MMP17: variants seen among roughly 807,000 people sequenced by gnomAD.
MMP17 encodes matrix metallopeptidase 17, also known as matrix metalloproteinase-17.
In MMP17, 54 loss-of-function variants were observed where a neutral mutation model predicts 49.1. The observed-to-expected ratio is 1.10, with a 90% CI of 0.88 to 1.38. MMP17 has a LOEUF of 1.38. MMP17 is among the 40% of genes most tolerant of loss of function. The probability of loss-of-function intolerance (pLI) is 0.00; values close to 1 mark genes in which losing one functional copy is unlikely to be tolerated. For missense variants in MMP17, 837 were observed against 853.7 expected (o/e 0.98, Z 0.24); for synonymous variants, 397 against 383.1 (o/e 1.04, Z -0.42).
At position 131,828,509 on chromosome 12, in the gene MMP17, A is replaced by G. The variant is rs1886622262; in HGVS notation, c.15A>G (p.Ala5=). 3.0e-6 allele frequency: 3 copies of G among 993,612 alleles called. No individual in the cohort carries two copies. The highest frequency in any genetic ancestry group is 9.0e-5 in the South Asian group (2 of 22,272). 61.5% of individuals were successfully genotyped at this position (993,612 alleles called of 1,614,324 possible). The change falls in exon 1 of 10, where the codon GCA becomes GCG. Residue 5 remains alanine (A), a synonymous_variant. Coordinates refer to ENST00000360564, the MANE Select transcript of MMP17 (RefSeq NM_016155.7). The part of the protein sequence containing the change: MRRR[A]ARGPGPPPPG... ...ATGTGAGCGCCATGCGGCGCCGCGCAGCCCGGGGACCCGGCCCGCCGCCCC... is the reference window on the plus strand; with the variant it reads ...ATGTGAGCGCCATGCGGCGCCGCGCGGCCCGGGGACCCGGCCCGCCGCCCC...
intron 9 of MMP17, among the ~76,000 whole-genome samples, chr12:131,850,352 G>A (rs1016352041): frequency 2.0e-5 from 3 of 152,138 alleles, no homozygotes; most frequent in African/African-American, 4.8e-5. Flanking sequence ...GCCATGCCTC[G>A]TCTGGGCACA....
At chr12:131,832,871 C>T (rs1593221767) in intron 1 of MMP17, among the ~76,000 whole-genome samples, 1 of 152,324 alleles carries the variant, frequency 6.6e-6, no homozygotes, top group South Asian at 2.1e-4. Flanking sequence ...TGCCAAAGGG[C>T]CTTTGCACTT....
chr12:131,850,933 T>C lies in MMP17; in HGVS notation c.1471T>C (p.Tyr491His). 1 of 1,481,858 alleles carries C rather than the reference T, an allele frequency of 6.7e-7. No individual in the cohort carries two copies. The highest frequency in any genetic ancestry group is 9.0e-7 in the Non-Finnish European group (1 of 1,114,516). The allele number at this position is 1,481,858 out of a possible 1,614,324, so 91.8% of individuals were successfully genotyped here. ...DAMRWSDGAS[Y>H]FFRGQEYWKV... is the part of the protein sequence containing the mutation. ...CTCCCTCCTCTTCTCAGGTGCCTCCTACTTCTTCCGTGGCCAGGAGTACTG... is the reference window on the plus strand; with the variant it reads ...CTCCCTCCTCTTCTCAGGTGCCTCCCACTTCTTCCGTGGCCAGGAGTACTG... The change falls in exon 10 of 10, where the codon TAC (tyrosine) becomes CAC (histidine). Residue 491 changes from tyrosine (Y) to histidine (H), a missense_variant. Physicochemically the swap from Tyr to His is moderately conservative, Grantham distance 83 (BLOSUM62 2). Transcript: ENST00000360564.
At position 131,846,757 on chromosome 12, in the gene MMP17, G is replaced by C. The variant is rs1171443166; in HGVS notation, c.1204+1308G>C. On this transcript the variant is annotated intron_variant, in intron 8 of 9. Coordinates refer to ENST00000360564, the MANE Select transcript of MMP17 (RefSeq NM_016155.7). The surrounding 1 kb of genome is among the most constrained non-coding windows in gnomAD (Gnocchi z 4.6). ...AGTAAGGTCACGTCCTGAGATTCTG[G>C]GTGGATGTGAGTTTGGAGGACGTCA... 6.6e-6 allele frequency among the ~76,000 whole-genome samples: 1 copy of C among 152,144 alleles called. No individual in the cohort carries two copies. The highest frequency in any genetic ancestry group is 2.4e-5 in the African/African-American group (1 of 41,406).
At chr12:131,840,284 C>T (rs1195661172) in intron 3 of MMP17, 3 of 378,688 alleles carry the variant, frequency 7.9e-6, no homozygotes, top group African/African-American at 2.0e-5. Flanking sequence ...CGGGACGCAC[C>T]GTTGAGGGCC....
chr12:131,834,023 G>A (rs371522432), intron 1 of MMP17, among the ~76,000 whole-genome samples: 9 of 152,246 alleles, frequency 5.9e-5, no homozygotes, highest in African/African-American at 2.2e-4. Context: ...ATGGCTGAAC[G>A]GTGAATCCAG....
At chr12:131,844,131 T>A (rs1887571430) in intron 6 of MMP17, 50 bp downstream of exon 6, 1 of 1,449,318 alleles carries the variant, frequency 6.9e-7, no homozygotes. Flanking sequence ...TCTGTCCTCA[T>A]CCCTGTCCCA....
intron 1 of MMP17, among the ~76,000 whole-genome samples, chr12:131,833,570 C>T (rs1156238046): frequency 1.3e-5 from 2 of 152,240 alleles, no homozygotes; most frequent in African/African-American, 4.8e-5. Context: ...GTGGGTCAGA[C>T]GTGGTTGCTG....
At chr12:131,836,752 C>T (rs1211762570) in intron 1 of MMP17, among the ~76,000 whole-genome samples, 1 of 152,098 alleles carries the variant, frequency 6.6e-6, no homozygotes, top group Non-Finnish European at 1.5e-5. Flanking sequence ...TTCTGGAGCC[C>T]GCCTCACCCC....
At chr12:131,841,255 G>A (rs1170401401) in intron 4 of MMP17, among the ~76,000 whole-genome samples, 1 of 152,246 alleles carries the variant, frequency 6.6e-6, no homozygotes, top group Non-Finnish European at 1.5e-5. Context: ...AGTCCTGGGA[G>A]CCCAGGCCCG....
intron 8 of MMP17, 45 bp downstream of exon 8, chr12:131,845,494 G>C (rs376826045): frequency 7.2e-6 from 11 of 1,525,130 alleles, no homozygotes; most frequent in South Asian, 1.2e-5. Context: ...CGGGCCCTCT[G>C]TCCGCCTCAT....
intron 4 of MMP17, 78 bp downstream of exon 4, chr12:131,840,934 C>CG: frequency 6.9e-7 from 1 of 1,445,208 alleles, no homozygotes; most frequent in African/African-American, 1.4e-5. Flanking sequence ...ATGGCCCCCC[C>CG]ATCCCCAACC....
intron 4 of MMP17, 54 bp from the exon 5 acceptor site, chr12:131,841,570 C>G (rs1473131898): frequency 3.1e-6 from 5 of 1,592,520 alleles, no homozygotes; most frequent in South Asian, 2.2e-5. Flanking sequence ...GGTCCCTCCC[C>G]GCGGGGACAG....
Position 131,849,910 on chromosome 12 carries a change from C to T in MMP17, c.1313C>T (p.Ala438Val). 1 of 1,614,054 alleles carries T rather than the reference C, an allele frequency of 6.2e-7. No homozygotes were observed. Among genetic ancestry groups the T allele is most frequent in the South Asian group, 1.1e-5 (1 of 91,088 alleles). ...PGGIDAAFSW[A>V]HNDRTYFFKD... ...GGCATCGACGCTGCCTTCTCCTGGG[C>T]CCACAATGACAGGACTTATTTCTTT... Residue 438 changes from alanine to valine, a missense_variant, in exon 9 of 10, where the codon GCC (alanine) becomes GTC (valine). Physicochemically the swap from Ala to Val is moderately conservative, Grantham distance 64. Coordinates refer to ENST00000360564, the MANE Select transcript of MMP17 (RefSeq NM_016155.7).
At chr12:131,841,298 T>C (rs938711810) in intron 4 of MMP17, among the ~76,000 whole-genome samples, 1 of 152,306 alleles carries the variant, frequency 6.6e-6, no homozygotes, top group Non-Finnish European at 1.5e-5. Flanking sequence ...GCCCACAGCA[T>C]TGGGCCTCAG....
Position 131,849,983 on chromosome 12 carries a change from C to G in MMP17, c.1386C>G (p.Asp462Glu), listed in dbSNP as rs117508750. The G allele has an allele frequency of 4.6e-5, 74 of 1,613,790 alleles. No individual in the cohort carries two copies. In the African/African-American group the frequency reaches 9.3e-4, roughly 20 times the overall value. The stretch of plus-strand genomic sequence containing the variant: ...ACGATGACCACACGAGGCACATGGA[C>G]CCCGGCTACCCCGCCCAGAGCCCCC... The part of the protein sequence containing the change: ...WRYDDHTRHM[D>E]PGYPAQSPLW... Residue 462 changes from aspartate (D) to glutamate (E), a missense_variant, in exon 9 of 10, where the codon GAC becomes GAG. Asp to Glu is a conservative substitution (Grantham distance 45). Transcript: ENST00000360564.
At chr12:131,839,327 T>C (rs1466977851) in intron 3 of MMP17, among the ~76,000 whole-genome samples, 2 of 151,948 alleles carry the variant, frequency 1.3e-5, no homozygotes, top group Non-Finnish European at 2.9e-5. Context: ...CTTTTTTTTT[T>C]TTTGAGACAG....
intron 1 of MMP17, among the ~76,000 whole-genome samples, chr12:131,832,847 C>A (rs1194456171): frequency 6.6e-6 from 1 of 152,220 alleles, no homozygotes; most frequent in Non-Finnish European, 1.5e-5. Flanking sequence ...CTCCTCTGCG[C>A]TGTGTGTTTT....
intron 2 of MMP17, 117 bp from the exon 3 acceptor site, chr12:131,838,495 G>T: frequency 6.8e-7 from 1 of 1,464,276 alleles, no homozygotes; most frequent in South Asian, 1.4e-5. Flanking sequence ...TGACGTGGGA[G>T]GAGGGGGCGG....
Sources: gnomAD v4.1 joint callset for allele counts (sites outside exome capture counted in the v4.1 genomes callset) on GRCh38, gnomAD v4.1.1 for gene constraint, Gnocchi (gnomAD v3.1) non-coding constraint, MANE v1.5 for transcripts, NCBI Gene and HGNC (gene_info 2026-07-23, HGNC 2026-07-21) for gene names.